PTGER3: variants seen among roughly 807,000 people sequenced by gnomAD.
PTGER3 encodes prostaglandin E2 receptor EP3 subtype.
PTGER3 carries 22 observed loss-of-function variants against 34.7 expected under a neutral mutation model. The observed-to-expected ratio is 0.63, with a 90% CI of 0.45 to 0.91. The LOEUF is 0.91. Among genes scored for constraint, PTGER3 ranks in the 40% least tolerant of loss-of-function variants. The pLI, the probability that PTGER3 is intolerant of heterozygous loss-of-function variation, is 0.00. For synonymous variants in PTGER3, 241 were observed against 230.1 expected, an observed-to-expected ratio of 1.05 and a Z score of -0.43; for missense variants, 468 against 519.4, an observed-to-expected ratio of 0.90 and a Z score of 0.96.
chr1:71,001,233 A>G (rs1656457385), intron 2 of PTGER3, among the ~76,000 whole-genome samples: 2 of 152,320 alleles, frequency 1.3e-5, no homozygotes, highest in Middle Eastern at 3.4e-3. Flanking sequence ...GGTATAACAG[A>G]TATCTCTCTT....
At chr1:71,008,424 T>G in intron 2 of PTGER3, 1 of 883,070 alleles carries the variant, frequency 1.1e-6, no homozygotes. Flanking sequence ...TTAAATAGAA[T>G]CTTCATTTTA....
chr1:70,894,231 C>G (rs748267242), intron 4 of PTGER3, among the ~76,000 whole-genome samples: 30 of 140,068 alleles, frequency 2.1e-4, no homozygotes, highest in African/African-American at 2.6e-4. Context: ...ATCACTTGAA[C>G]CTGGTGGGCG....
intron 4 of PTGER3, among the ~76,000 whole-genome samples, chr1:70,855,379 C>T (rs997398747): frequency 6.6e-6 from 1 of 152,024 alleles, no homozygotes; most frequent in African/African-American, 2.4e-5. Context: ...AAATGAAAAA[C>T]TTTTAGAGAT....
At chr1:70,880,971 T>A (rs1402754520) in intron 4 of PTGER3, among the ~76,000 whole-genome samples, 1 of 152,216 alleles carries the variant, frequency 6.6e-6, no homozygotes, top group Non-Finnish European at 1.5e-5. Context: ...ATTGGGAAAA[T>A]TTTTATGGAT....
chr1:70,980,869 A>T (rs1654189746), intron 2 of PTGER3, among the ~76,000 whole-genome samples: 1 of 152,144 alleles, frequency 6.6e-6, no homozygotes, highest in African/African-American at 2.4e-5. Context: ...TGTACATTTT[A>T]GGCATACCTG....
intron 1 of PTGER3, among the ~76,000 whole-genome samples, chr1:71,022,758 CA>C (rs1285672857): frequency 6.6e-6 from 1 of 151,242 alleles, no homozygotes; most frequent in Non-Finnish European, 1.5e-5. Context: ...CATACACACA[CA>C]AATGAACAGA....
intron 1 of PTGER3, among the ~76,000 whole-genome samples, chr1:71,018,091 C>T (rs951313480): frequency 2.0e-5 from 3 of 152,024 alleles, no homozygotes; most frequent in Non-Finnish European, 4.4e-5. Flanking sequence ...CAGCAAGTCT[C>T]AGGTGGACTA....
intron 4 of PTGER3, among the ~76,000 whole-genome samples, chr1:70,890,185 C>A (rs1360239329): frequency 6.6e-6 from 1 of 152,124 alleles, no homozygotes; most frequent in Non-Finnish European, 1.5e-5. Context: ...CAACAGACAG[C>A]AACAAAAGTA....
rs769333677 is a variant in PTGER3 at position 70,953,088 on chromosome 1, G to T, written c.1105-29C>A. ...ACCACAGATCAAAATATTGAGAAAA[G>T]AAAATAATAAAAAATAACAATATGA... is the stretch of plus-strand genomic sequence containing the variant. On this transcript the variant is annotated intron_variant, in intron 3 of 3. Coordinates refer to the PTGER3 transcript ENST00000356595. 6 of 1,515,100 alleles carry T rather than the reference G, an allele frequency of 4.0e-6. No individual in the cohort carries two copies. The East Asian group carries it at 9.4e-5, about 24-fold the overall frequency. The allele number at this position is 1,515,100 out of a possible 1,614,324, so 93.9% of individuals were successfully genotyped here.
chr1:70,852,653 A>G (rs5672), exon 5 of PTGER3: 6 of 712,730 alleles, frequency 8.4e-6, no homozygotes, highest in African/African-American at 5.4e-5. Context: ...ATATAGTAAA[A>G]GTACAAAAAC....
intron 4 of PTGER3, among the ~76,000 whole-genome samples, chr1:70,857,408 T>C (rs1645830952): frequency 6.6e-6 from 1 of 152,070 alleles, no homozygotes. Flanking sequence ...TCATTCAAAT[T>C]TTTTTTTCCC....
chr1:71,046,084 G>C (rs1660759419), intron 1 of PTGER3, among the ~76,000 whole-genome samples: 1 of 151,214 alleles, frequency 6.6e-6, no homozygotes, highest in Non-Finnish European at 1.5e-5. Context: ...ACGAGGTCAG[G>C]AGATCGAGAC....
At chr1:71,013,131 T>A (rs1314765498) in intron 1 of PTGER3, among the ~76,000 whole-genome samples, 2 of 152,178 alleles carry the variant, frequency 1.3e-5, no homozygotes, top group Non-Finnish European at 2.9e-5. Flanking sequence ...CACTGCAATG[T>A]AAACTCCATG....
At chr1:70,931,663 T>C (rs988698790) in intron 4 of PTGER3, among the ~76,000 whole-genome samples, 1 of 152,232 alleles carries the variant, frequency 6.6e-6, no homozygotes, top group Admixed American at 6.5e-5. Context: ...TGGGCCAAGC[T>C]GTATGTTGGC....
intron 4 of PTGER3, chr1:70,886,185 CAA>C (rs1218109613): frequency 1.4e-5 from 5 of 365,706 alleles, no homozygotes; most frequent in African/African-American, 8.5e-5. Context: ...TAAGAAGAGA[CAA>C]GAGAGAGCTT....
intron 2 of PTGER3, among the ~76,000 whole-genome samples, chr1:70,982,113 T>C (rs1654434187): frequency 6.6e-6 from 1 of 152,148 alleles, no homozygotes; most frequent in African/African-American, 2.4e-5. Flanking sequence ...GCTAGGTGCC[T>C]AGGAAAAGGC....
intron 2 of PTGER3, among the ~76,000 whole-genome samples, chr1:70,956,895 T>C (rs1651400076): frequency 4.6e-5 from 7 of 152,134 alleles, no homozygotes; most frequent in Admixed American, 4.6e-4. Flanking sequence ...CTTGGGAGGT[T>C]GAGGCAGGAG....
At chr1:70,897,171 G>A (rs1454026892) in intron 4 of PTGER3, among the ~76,000 whole-genome samples, 1 of 152,120 alleles carries the variant, frequency 6.6e-6, no homozygotes, top group Admixed American at 6.6e-5. Context: ...TCCCAGGCAA[G>A]CTACATAAGA....
intron 4 of PTGER3, among the ~76,000 whole-genome samples, chr1:70,932,705 A>G (rs1472270662): frequency 6.6e-6 from 1 of 152,182 alleles, no homozygotes; most frequent in Admixed American, 6.5e-5. Flanking sequence ...GGTCCCTCCC[A>G]CAACACGTGG....
Sources: allele counts gnomAD v4.1 joint callset (sites outside exome capture counted in the v4.1 genomes callset), GRCh38; gene constraint gnomAD v4.1.1; transcripts MANE v1.5; gene names NCBI Gene and HGNC (gene_info 2026-07-23, HGNC 2026-07-21).